L3MBTL4: variants seen among roughly 807,000 people sequenced by gnomAD.
The protein encoded by L3MBTL4 is L3MBTL histone methyl-lysine binding protein 4, also known as lethal(3)malignant brain tumor-like protein 4.
In L3MBTL4, 70 loss-of-function variants were observed where a neutral mutation model predicts 84.5. The ratio of observed to expected loss-of-function variants is 0.83; its 90% CI spans 0.68 to 1.01. The LOEUF (loss-of-function observed/expected upper bound fraction) is 1.01. Ranked by LOEUF, L3MBTL4 falls within the 50% of genes least tolerant of loss-of-function variation. The pLI, the probability that L3MBTL4 is intolerant of heterozygous loss-of-function variation, is 0.00. For synonymous variants in L3MBTL4, 274 were observed against 259.8 expected, an observed-to-expected ratio of 1.05 and a Z score of -0.52; for missense variants, 715 against 754.8, an observed-to-expected ratio of 0.95 and a Z score of 0.62.
intron 16 of L3MBTL4, among the ~76,000 whole-genome samples, chr18:6,020,014 T>A (rs759408914): frequency 6.6e-6 from 1 of 152,162 alleles, no homozygotes; most frequent in African/African-American, 2.4e-5. Flanking sequence ...AGACCCTAAG[T>A]TGGGCAATGC....
intron 16 of L3MBTL4, chr18:6,029,626 G>A: frequency 1.0e-6 from 1 of 985,096 alleles, no homozygotes; most frequent in Non-Finnish European, 1.2e-6. Context: ...CTACATAAAG[G>A]AAAACTTAAA....
At chr18:6,120,578 C>T (rs953633597) in intron 14 of L3MBTL4, among the ~76,000 whole-genome samples, 1 of 152,198 alleles carries the variant, frequency 6.6e-6, no homozygotes, top group Non-Finnish European at 1.5e-5. Flanking sequence ...AGAACAACCA[C>T]TAAGTCAGAA....
chr18:6,107,312 T>C (rs2059043097), intron 14 of L3MBTL4, among the ~76,000 whole-genome samples: 1 of 152,148 alleles, frequency 6.6e-6, no homozygotes, highest in African/African-American at 2.4e-5. Context: ...GGACCCTTCC[T>C]TGTGATGGGG....
chr18:6,121,644 T>C (rs141364199), intron 14 of L3MBTL4, among the ~76,000 whole-genome samples: 64 of 152,274 alleles, frequency 4.2e-4, no homozygotes, highest in Admixed American at 1.7e-3. Context: ...ATTCTTTTTC[T>C]TTATTTTTTA....
At chr18:6,175,783 T>G (rs1409117080) in intron 12 of L3MBTL4, among the ~76,000 whole-genome samples, 1 of 152,208 alleles carries the variant, frequency 6.6e-6, no homozygotes, top group East Asian at 1.9e-4. Flanking sequence ...GGCAAGTTTA[T>G]TCATTCTTAC....
chr18:6,253,195 C>T (rs950541317), intron 5 of L3MBTL4, among the ~76,000 whole-genome samples: 2 of 149,890 alleles, frequency 1.3e-5, no homozygotes, highest in Non-Finnish European at 2.9e-5. Context: ...AGCAAGACTC[C>T]GTCTCAAAAC....
At chr18:6,383,853 G>A (rs1171613638) in intron 1 of L3MBTL4, among the ~76,000 whole-genome samples, 1 of 152,152 alleles carries the variant, frequency 6.6e-6, no homozygotes, top group African/African-American at 2.4e-5. Flanking sequence ...TTCATACACT[G>A]GCTCCTCTAA....
At chr18:6,146,914 T>C (rs939181892) in intron 13 of L3MBTL4, among the ~76,000 whole-genome samples, 1 of 151,634 alleles carries the variant, frequency 6.6e-6, no homozygotes, top group Non-Finnish European at 1.5e-5. Flanking sequence ...AAAACCTATG[T>C]GTGCAGATGA....
intron 4 of L3MBTL4, among the ~76,000 whole-genome samples, chr18:6,273,529 G>A (rs187284777): frequency 2.0e-5 from 3 of 151,616 alleles, no homozygotes; most frequent in African/African-American, 7.3e-5. Flanking sequence ...CATTAAACTG[G>A]TGGTTCTACA....
At chr18:6,134,885 G>A (rs1023306245) in intron 14 of L3MBTL4, among the ~76,000 whole-genome samples, 2 of 152,148 alleles carry the variant, frequency 1.3e-5, no homozygotes, top group African/African-American at 4.8e-5. Flanking sequence ...AGCTCCACTA[G>A]GCAGTGCCCC....
intron 1 of L3MBTL4, among the ~76,000 whole-genome samples, chr18:6,343,408 A>G (rs2143561848): frequency 6.6e-6 from 1 of 152,340 alleles, no homozygotes; most frequent in South Asian, 2.1e-4. Context: ...TCATGCCTGT[A>G]ATCCCAGCAC....
chr18:6,253,455 G>A (rs1344585639), intron 5 of L3MBTL4, among the ~76,000 whole-genome samples: 1 of 152,200 alleles, frequency 6.6e-6, no homozygotes, highest in African/African-American at 2.4e-5. Flanking sequence ...TGGGAATGGG[G>A]GAAGTGGCCA....
At chr18:6,082,271 T>C (rs2058104094) in intron 15 of L3MBTL4, 1 of 152,184 alleles carries the variant, frequency 6.6e-6, no homozygotes, top group Non-Finnish European at 1.5e-5. Flanking sequence ...TATATAATTT[T>C]AATTATATTC....
intron 18 of L3MBTL4, among the ~76,000 whole-genome samples, chr18:5,958,868 G>A (rs901131766): frequency 6.6e-6 from 1 of 151,304 alleles, no homozygotes; most frequent in Non-Finnish European, 1.5e-5. Context: ...CCAAATATAA[G>A]CAATTCAACC....
At chr18:6,366,797 C>A (rs2053953815) in intron 1 of L3MBTL4, among the ~76,000 whole-genome samples, 1 of 152,258 alleles carries the variant, frequency 6.6e-6, no homozygotes, top group Admixed American at 6.5e-5. Flanking sequence ...GCCAGACTTT[C>A]TCTCATCATT....
At chr18:6,155,818 G>GA (rs1457237837) in intron 13 of L3MBTL4, among the ~76,000 whole-genome samples, 3 of 151,872 alleles carry the variant, frequency 2.0e-5, no homozygotes, top group South Asian at 2.1e-4. Flanking sequence ...AGAGTGAAAT[G>GA]AAAAAAATCA....
At chr18:6,299,959 A>T (rs1445620446) in intron 4 of L3MBTL4, among the ~76,000 whole-genome samples, 1 of 152,212 alleles carries the variant, frequency 6.6e-6, no homozygotes, top group Non-Finnish European at 1.5e-5. Context: ...GGCATGAGCC[A>T]CCACGCCTGA....
intron 4 of L3MBTL4, among the ~76,000 whole-genome samples, chr18:6,294,959 A>G (rs1020919167): frequency 1.3e-5 from 2 of 152,178 alleles, no homozygotes; most frequent in Non-Finnish European, 2.9e-5. Flanking sequence ...CCTCCGGCAC[A>G]TAAAAACTGT....
intron 12 of L3MBTL4, among the ~76,000 whole-genome samples, chr18:6,182,753 C>T (rs990410080): frequency 2.0e-5 from 3 of 151,962 alleles, no homozygotes; most frequent in African/African-American, 4.8e-5. Flanking sequence ...CAATCTTCTG[C>T]ATATGGCTAG....
Sources: allele counts gnomAD v4.1 joint callset (sites outside exome capture counted in the v4.1 genomes callset), GRCh38; gene constraint gnomAD v4.1.1; transcripts MANE v1.5; gene names NCBI Gene and HGNC (gene_info 2026-07-23, HGNC 2026-07-21).